FHIP1A: variants seen among roughly 807,000 people sequenced by gnomAD.
The protein encoded by FHIP1A is FHF complex subunit HOOK-interacting protein 1A.
In FHIP1A, 61 loss-of-function variants were observed where a neutral mutation model predicts 88.6. That is an observed-to-expected ratio of 0.69 (90% confidence interval 0.56 to 0.85). FHIP1A has a LOEUF of 0.85. Among genes scored for constraint, FHIP1A ranks in the 40% least tolerant of loss-of-function variants. FHIP1A has a pLI of 0.00. For synonymous variants in FHIP1A, 478 were observed against 496.0 expected, an observed-to-expected ratio of 0.96 and a Z score of 0.48; for missense variants, 1,154 against 1,273.5, an observed-to-expected ratio of 0.91 and a Z score of 1.43.
At chr4:151,658,771 G>A (rs1737344958) in intron 13 of FHIP1A, among the ~76,000 whole-genome samples, 1 of 152,130 alleles carries the variant, frequency 6.6e-6, no homozygotes, top group Non-Finnish European at 1.5e-5. Flanking sequence ...GCTTTCTCAA[G>A]CGGTCAATTT....
chr4:151,473,102 A>G (rs7657747), intron 2 of FHIP1A, among the ~76,000 whole-genome samples: 79,004 of 151,886 alleles, frequency 0.52, 20,842 homozygotes, highest in African/African-American at 0.55. Context: ...TGTTGTTGCT[A>G]TTATCTCTTG....
In FHIP1A at chr4:151,585,056, G is replaced by A. The variant is rs956300193; in HGVS notation, c.733-1585G>A. Among the ~76,000 whole-genome samples, 18 of 152,090 alleles carry A rather than the reference G, an allele frequency of 1.2e-4. No homozygotes were observed. In the East Asian group the frequency reaches 3.5e-3, roughly 29 times the overall value. On this transcript the variant is annotated intron_variant, in intron 5 of 13. Transcript: ENST00000435205. ...CCGTTAATCTCTCATTAGACAGTGA[G>A]ATCAATGAGTATGTCACTATTTCTT...
chr4:151,452,935 C>CATAT (rs1303243259), intron 1 of FHIP1A, among the ~76,000 whole-genome samples: 2 of 105,064 alleles, frequency 1.9e-5, no homozygotes, highest in Non-Finnish European at 2.1e-5. Flanking sequence ...GACATTGAAA[C>CATAT]GTATATATAT....
At chr4:151,519,166 A>G (rs1731363586) in intron 3 of FHIP1A, among the ~76,000 whole-genome samples, 1 of 152,130 alleles carries the variant, frequency 6.6e-6, no homozygotes, top group Non-Finnish European at 1.5e-5. Context: ...GCATAATCCA[A>G]AGTCTGTCAT....
rs746880397 is a variant in FHIP1A, at chr4:151,629,849, C to T, written c.1126C>T (p.Arg376Ter). The change falls in exon 8 of 14, where the codon CGA (arginine) becomes TGA (stop). Residue 376 changes from arginine to a stop codon, truncating the protein, a stop_gained. Transcript: ENST00000435205. LOFTEE classifies it high-confidence loss of function. The stretch of plus-strand genomic sequence containing the variant: ...CCACATCCTAGACACTCTCACGAGT[C>T]GAATCAACACCCCGTTTCGGGTAAG... ...NVHILDTLTS[R>*]INTPFRLCVV... The T allele has an allele frequency of 4.9e-5, 76 of 1,550,964 alleles. No individual in the cohort carries two copies. The highest frequency in any genetic ancestry group is 3.8e-4 in the African/African-American group (28 of 72,974).
At chr4:151,516,327 A>G (rs1365990527) in intron 3 of FHIP1A, among the ~76,000 whole-genome samples, 2 of 151,926 alleles carry the variant, frequency 1.3e-5, no homozygotes, top group Admixed American at 6.6e-5. Context: ...CTTAAACGTT[A>G]GACCTAAAAC....
chr4:151,594,909 C>T (rs1734589358), intron 7 of FHIP1A, among the ~76,000 whole-genome samples: 1 of 152,074 alleles, frequency 6.6e-6, no homozygotes, highest in Non-Finnish European at 1.5e-5. Context: ...TTTGATTCTT[C>T]TCTCTTTTCT....
chr4:151,432,518 T>C (rs910720457), intron 1 of FHIP1A, among the ~76,000 whole-genome samples: 1 of 152,196 alleles, frequency 6.6e-6, no homozygotes, highest in African/African-American at 2.4e-5. Context: ...AAAGACCTGC[T>C]CTTCAGAGAA....
At chr4:151,443,685 C>CTGTGTGTGTGTCTGTGTGTGTGTG (rs1728491262) in intron 1 of FHIP1A, among the ~76,000 whole-genome samples, 1 of 122,104 alleles carries the variant, frequency 8.2e-6, no homozygotes, top group African/African-American at 3.1e-5. Flanking sequence ...ATGAAGCACT[C>CTGTGTGTGTGTCTGTGTGTGTGTG]TGTGTGTGTG....
At chr4:151,657,739 C>T (rs1326306574) in intron 13 of FHIP1A, among the ~76,000 whole-genome samples, 3 of 152,162 alleles carry the variant, frequency 2.0e-5, no homozygotes, top group African/African-American at 7.2e-5. Flanking sequence ...GGCTCTCAGT[C>T]CTGGGCCAAA....
At chr4:151,413,509 C>T (rs538528437) in intron 1 of FHIP1A, among the ~76,000 whole-genome samples, 3 of 152,268 alleles carry the variant, frequency 2.0e-5, no homozygotes, top group Non-Finnish European at 2.9e-5. Context: ...GGCTGGAGTG[C>T]GGTGGCACAA....
At chr4:151,531,143 T>G (rs1317706806) in intron 3 of FHIP1A, among the ~76,000 whole-genome samples, 1 of 152,062 alleles carries the variant, frequency 6.6e-6, no homozygotes. Flanking sequence ...ATTTGGGAGC[T>G]GAGGTATTTT....
At chr4:151,525,379 A>G (rs1731590788) in intron 3 of FHIP1A, among the ~76,000 whole-genome samples, 1 of 152,258 alleles carries the variant, frequency 6.6e-6, no homozygotes, top group African/African-American at 2.4e-5. Flanking sequence ...TTGTATTTTC[A>G]ATTCCTGAGA....
intron 3 of FHIP1A, among the ~76,000 whole-genome samples, chr4:151,526,087 T>G (rs1580668039): frequency 6.6e-6 from 1 of 152,178 alleles, no homozygotes; most frequent in South Asian, 2.1e-4. Context: ...AGGTCACAGT[T>G]CAACAGGATC....
intron 3 of FHIP1A, among the ~76,000 whole-genome samples, chr4:151,504,283 AT>A (rs1292968914): frequency 6.6e-6 from 1 of 152,112 alleles, no homozygotes; most frequent in South Asian, 2.1e-4. Flanking sequence ...CCACACTGAG[AT>A]TTTTTTTCCT....
intron 3 of FHIP1A, among the ~76,000 whole-genome samples, chr4:151,528,066 T>G (rs1731745475): frequency 6.6e-6 from 1 of 152,238 alleles, no homozygotes; most frequent in African/African-American, 2.4e-5. Flanking sequence ...GCTTCAGATC[T>G]GAGTTTTTCT....
intron 1 of FHIP1A, among the ~76,000 whole-genome samples, chr4:151,412,579 CT>C (rs558184655): frequency 0.099 from 7,777 of 78,264 alleles, 375 homozygotes; most frequent in Non-Finnish European, 0.15. Context: ...TCTTTCTTTC[CT>C]TTCTTTCCTT....
At chr4:151,440,663 G>A (rs959234603) in intron 1 of FHIP1A, among the ~76,000 whole-genome samples, 2 of 152,116 alleles carry the variant, frequency 1.3e-5, no homozygotes, top group African/African-American at 4.8e-5. Flanking sequence ...GCAGTACAGT[G>A]TCACACAAGG....
chr4:151,563,585 C>T (rs1733257752), intron 3 of FHIP1A, among the ~76,000 whole-genome samples: 1 of 152,214 alleles, frequency 6.6e-6, no homozygotes. Flanking sequence ...ATTTTAGTGA[C>T]TGCAGCTGCT....
Sources: gnomAD v4.1 joint callset for allele counts (sites outside exome capture counted in the v4.1 genomes callset) on GRCh38, gnomAD v4.1.1 for gene constraint, MANE v1.5 for transcripts, NCBI Gene and HGNC (gene_info 2026-07-23, HGNC 2026-07-21) for gene names.